The following ARHGEF2 variants were observed in gnomAD, a reference collection of about 807,000 sequenced individuals.
ARHGEF2 encodes Rho/Rac guanine nucleotide exchange factor 2.
A neutral mutation model predicts 121.0 loss-of-function variants in ARHGEF2; 22 were observed. The observed-to-expected ratio is 0.18, with a 90% confidence interval of 0.13 to 0.26. The LOEUF is 0.26. Among genes scored for constraint, ARHGEF2 ranks in the 10% least tolerant of loss-of-function variants. ARHGEF2 has a pLI of 1.00. For missense variants in ARHGEF2, 907 were observed against 1,336.0 expected (o/e 0.68, Z 5.01); for synonymous variants, 487 against 530.0 (o/e 0.92, Z 1.11).
At chr1:155,954,282 C>CT (rs544870775) in intron 14 of ARHGEF2, among the ~76,000 whole-genome samples, 2,121 of 108,492 alleles carry the variant, frequency 0.02, 97 homozygotes, top group South Asian at 0.051. Context: ...CAATCTACTT[C>CT]TTTTTTTTTT....
chr1:155,957,101 T>C (rs1313861095), intron 13 of ARHGEF2, among the ~76,000 whole-genome samples: 1 of 152,066 alleles, frequency 6.6e-6, no homozygotes, highest in East Asian at 1.9e-4. Context: ...CACTTCATTC[T>C]TTAGGCATAA....
In ARHGEF2 at chr1:155,969,170, G is replaced by A. The variant is rs1226484060; in HGVS notation, c.194C>T (p.Ala65Val). ...ACNKSITAKE[A>V]LICPTCNVTI... Reference sequence around the variant, plus strand: ...AAACAACTTACTTGGGCAGATGAGGGCTTCCTTGGCTGTGATGCTCTTGTT... The same window carrying A: ...AAACAACTTACTTGGGCAGATGAGGACTTCCTTGGCTGTGATGCTCTTGTT... Residue 65 changes from alanine (A) to valine (V), a missense_variant, in exon 2 of 22, where the codon GCC (alanine) becomes GTC (valine). Ala to Val is a moderately conservative substitution (Grantham distance 64, BLOSUM62 0). Coordinates refer to ENST00000361247, the MANE Select transcript of ARHGEF2 (RefSeq NM_001162383.2). The A allele has an allele frequency of 6.8e-6, 11 of 1,614,222 alleles. No homozygotes were observed. Among genetic ancestry groups the A allele is most frequent in the Non-Finnish European group, 9.3e-6 (11 of 1,180,030 alleles).
chr1:155,957,727 C>G lies in ARHGEF2; in HGVS notation c.1701G>C (p.Gln567His), dbSNP rs773431993. 26 of 1,612,994 alleles carry G rather than the reference C, an allele frequency of 1.6e-5. No homozygotes were observed. The East Asian group carries it at 5.6e-4, about 35-fold the overall frequency. Reference protein sequence around the residue: ...DDRSTWIRVIQQSVRTCPSRE... With the variant: ...DDRSTWIRVIHQSVRTCPSRE... ...CAGACACTCACGTGCGCACGCTCTG[C>G]TGAATGACCCGGATCCAGGTGCTCC... The change falls in exon 13 of 22, where the codon CAG becomes CAC. Residue 567 changes from glutamine (Q) to histidine (H), a missense_variant. Gln to His is a conservative substitution (Grantham distance 24). Coordinates refer to ENST00000361247, the MANE Select transcript of ARHGEF2 (RefSeq NM_001162383.2).
chr1:155,969,153 T>C lies in ARHGEF2; in HGVS notation c.208+3A>G. ...GGTGACTCTCAGGGTCCAAACAACTTACTTGGGCAGATGAGGGCTTCCTTG... is the reference window on the plus strand; with the variant it reads ...GGTGACTCTCAGGGTCCAAACAACTCACTTGGGCAGATGAGGGCTTCCTTG... On this transcript the variant is annotated splice_donor_region_variant and intron_variant, in intron 2 of 21. Transcript: ENST00000361247. 2.5e-6 allele frequency: 4 copies of C among 1,613,988 alleles called. No homozygotes were observed. The African/African-American group carries it at 5.3e-5, about 22-fold the overall frequency.
At chr1:155,966,631 TG>T in intron 3 of ARHGEF2, 152 bp from the exon 4 acceptor site, 1 of 1,052,638 alleles carries the variant, frequency 9.5e-7, no homozygotes, top group Non-Finnish European at 1.4e-6. Context: ...CCCAGTGCTG[TG>T]GGGACATGTC....
chr1:155,970,709 G>A (rs1680287537), intron 1 of ARHGEF2: 4 of 985,948 alleles, frequency 4.1e-6, no homozygotes, highest in Non-Finnish European at 3.6e-6. Flanking sequence ...AGAGATGCAC[G>A]GGCCTGGTGC....
chr1:155,977,946 G>T, intron 1 of ARHGEF2: 1 of 324,482 alleles, frequency 3.1e-6, no homozygotes, highest in Non-Finnish European at 4.5e-6. Flanking sequence ...CGATTGGGGA[G>T]TGATGGGGGG....
At chr1:155,964,767 A>G (rs1298847977) in intron 7 of ARHGEF2, among the ~76,000 whole-genome samples, 2 of 151,984 alleles carry the variant, frequency 1.3e-5, no homozygotes, top group African/African-American at 4.8e-5. Context: ...TAAAAATGCA[A>G]AACTTAGCCA....
chr1:155,970,641 G>A (rs898493210), intron 1 of ARHGEF2: 16 of 985,544 alleles, frequency 1.6e-5, no homozygotes, highest in African/African-American at 1.7e-5. Context: ...TAGGAGACCA[G>A]TACTGACTCA....
chr1:155,958,043 G>A (rs1677059956), intron 12 of ARHGEF2, among the ~76,000 whole-genome samples, 161 bp from the exon 13 acceptor site: 1 of 152,232 alleles, frequency 6.6e-6, no homozygotes, highest in South Asian at 2.1e-4. Flanking sequence ...ACTTAGAAAT[G>A]TGTGCAACCC....
intron 21 of ARHGEF2, among the ~76,000 whole-genome samples, chr1:155,949,398 G>A (rs1179120280): frequency 6.6e-6 from 1 of 151,940 alleles, no homozygotes; most frequent in Non-Finnish European, 1.5e-5. Context: ...TGGGCAACAT[G>A]GTGAAACCCT....
At chr1:155,948,260 A>T (rs1390147341) in intron 21 of ARHGEF2, among the ~76,000 whole-genome samples, 1 of 152,250 alleles carries the variant, frequency 6.6e-6, no homozygotes, top group Non-Finnish European at 1.5e-5. Context: ...AAAATACAAA[A>T]TACTTTAAGG....
intron 1 of ARHGEF2, chr1:155,969,527 G>A: frequency 7.2e-7 from 1 of 1,386,346 alleles, no homozygotes. Flanking sequence ...CTGGGTCCCT[G>A]ACCTACCTGG....
Position 155,947,702 on chromosome 1 carries a change from CG to C in ARHGEF2, c.*239del. ...AAATAAATAAATTTTCCTAAAGTTG[CG>C]GGAAGAAGGCATGAACCACTGGCAT... On this transcript the variant is annotated 3_prime_UTR_variant, in exon 22 of 22. Coordinates refer to ENST00000361247, the MANE Select transcript of ARHGEF2 (RefSeq NM_001162383.2). 1.9e-6 allele frequency: 1 copy of C among 526,210 alleles called. No homozygotes were observed. The highest frequency in any genetic ancestry group is 3.4e-6 in the Non-Finnish European group (1 of 295,374). The allele number at this position is 526,210 out of a possible 1,614,324, so 32.6% of individuals were successfully genotyped here.
At position 155,947,723 on chromosome 1, in the gene ARHGEF2, T is replaced by C. The variant is rs1674619162; in HGVS notation, c.*219A>G. 2 of 539,952 alleles carry C rather than the reference T, an allele frequency of 3.7e-6. No individual in the cohort carries two copies. The highest frequency in any genetic ancestry group is 3.0e-5 in the East Asian group (1 of 33,294). 33.4% of individuals were successfully genotyped at this position (539,952 alleles called of 1,614,324 possible). ...GTTGCGGGAAGAAGGCATGAACCAC[T>C]GGCATCTGTGGTGTAGCTTTCGGAT... On this transcript the variant is annotated 3_prime_UTR_variant, in exon 22 of 22. Transcript: ENST00000361247.
At chr1:155,953,561 G>A (rs1675949536) in intron 14 of ARHGEF2, among the ~76,000 whole-genome samples, 1 of 151,926 alleles carries the variant, frequency 6.6e-6, no homozygotes, top group Non-Finnish European at 1.5e-5. Context: ...GGCCAACATG[G>A]TGAAACCCTA....
chr1:155,954,875 T>G, intron 14 of ARHGEF2, 27 bp downstream of exon 14: 1 of 1,601,094 alleles, frequency 6.2e-7, no homozygotes, highest in Non-Finnish European at 8.5e-7. Flanking sequence ...TATAAATTAC[T>G]AAGGAGCTCC....
At chr1:155,968,352 T>C (rs1490040602) in intron 2 of ARHGEF2, 1 of 152,188 alleles carries the variant, frequency 6.6e-6, no homozygotes, top group African/African-American at 2.4e-5. Flanking sequence ...ATTTACAGGC[T>C]AGAGCTTTTG....
At chr1:155,978,860 C>G, upstream of ARHGEF2, 1 of 987,386 alleles carries the variant, frequency 1.0e-6, no homozygotes, top group South Asian at 4.7e-5. This position sits in a 1 kb window ranked among gnomAD's most constrained non-coding sequence, Gnocchi z 4.1. Flanking sequence ...CTCTGCCCTC[C>G]CCTTCTTCCC....
Sources: gnomAD v4.1 joint callset for allele counts (sites outside exome capture counted in the v4.1 genomes callset) on GRCh38, gnomAD v4.1.1 for gene constraint, Gnocchi (gnomAD v3.1) non-coding constraint, MANE v1.5 for transcripts, NCBI Gene and HGNC (gene_info 2026-07-23, HGNC 2026-07-21) for gene names.